The following FILIP1L variants were observed in gnomAD, a reference collection of about 807,000 sequenced individuals.
FILIP1L encodes the protein filamin A interacting protein 1 like.
Under a neutral mutation model 96.6 loss-of-function variants are expected in FILIP1L, and 55 were observed. That is an observed-to-expected ratio of 0.57 (90% CI 0.46 to 0.71). The LOEUF is 0.71. Among genes scored for constraint, FILIP1L ranks in the 30% least tolerant of loss-of-function variants. The pLI is 0.00. For missense variants in FILIP1L, 1,304 were observed against 1,321.2 expected, an observed-to-expected ratio of 0.99 and a Z score of 0.20; for synonymous variants, 467 against 473.9, an observed-to-expected ratio of 0.99 and a Z score of 0.19.
intron 1 of FILIP1L, among the ~76,000 whole-genome samples, chr3:100,074,905 G>T (rs1325039586): frequency 2.0e-5 from 3 of 151,646 alleles, no homozygotes; most frequent in Non-Finnish European, 2.9e-5. Context: ...TGTTGGCCAG[G>T]CTGGTCTCGA....
chr3:100,005,700 A>G (rs965065278), intron 1 of FILIP1L, among the ~76,000 whole-genome samples: 5 of 152,250 alleles, frequency 3.3e-5, no homozygotes, highest in Non-Finnish European at 7.3e-5. Flanking sequence ...ATCTAAATAC[A>G]AGGCACACAG....
intron 1 of FILIP1L, among the ~76,000 whole-genome samples, chr3:100,003,412 A>T (rs146618278): frequency 6.6e-6 from 1 of 152,170 alleles, no homozygotes; most frequent in Non-Finnish European, 1.5e-5. Context: ...AGTTTAACCA[A>T]TGCACCTAGA....
At chr3:99,864,907 T>C (rs1944436883) in intron 4 of FILIP1L, among the ~76,000 whole-genome samples, 1 of 152,204 alleles carries the variant, frequency 6.6e-6, no homozygotes, top group African/African-American at 2.4e-5. Context: ...GGTGTGTGTG[T>C]ATGTGCGCAC....
At chr3:100,075,886 G>T (rs34922392) in intron 1 of FILIP1L, among the ~76,000 whole-genome samples, 32,083 of 152,010 alleles carry the variant, frequency 0.21, 3,516 homozygotes, top group South Asian at 0.26. Context: ...TAATCCTTCT[G>T]GGGTATTAGG....
At position 99,850,156 on chromosome 3, in the gene FILIP1L, A is replaced by AT; in HGVS notation, c.1519dup (p.Met507AsnfsTer3). On this transcript the variant is annotated frameshift_variant, in exon 5 of 6. Transcript: ENST00000477258. LOFTEE classifies it high-confidence loss of function. ...TTCAGTTTTCTTTAATTTTTCACTCATTGTTTTCCGTTCATCTACAAACAT... is the reference window on the plus strand; with the variant it reads ...TTCAGTTTTCTTTAATTTTTCACTCATTTGTTTTCCGTTCATCTACAAACAT... 1 of 1,611,066 alleles carries AT rather than the reference A, an allele frequency of 6.2e-7. No homozygotes were observed. Among genetic ancestry groups the AT allele is most frequent in the Non-Finnish European group, 8.5e-7 (1 of 1,179,474 alleles).
intron 5 of FILIP1L, among the ~76,000 whole-genome samples, chr3:99,833,441 G>A (rs990926689): frequency 6.6e-6 from 1 of 152,208 alleles, no homozygotes; most frequent in Non-Finnish European, 1.5e-5. Flanking sequence ...GAAAGGTGAA[G>A]TGTTTTCAGT....
At chr3:100,051,177 A>G (rs933058510) in intron 1 of FILIP1L, 2 of 152,120 alleles carry the variant, frequency 1.3e-5, no homozygotes, top group African/African-American at 4.8e-5. Context: ...ATGGATCACA[A>G]TTCTTCTCTG....
At chr3:99,913,288 T>C (rs914009077) in intron 4 of FILIP1L, among the ~76,000 whole-genome samples, 3 of 152,242 alleles carry the variant, frequency 2.0e-5, no homozygotes, top group Admixed American at 1.3e-4. Flanking sequence ...TGACAGACTA[T>C]TTTCCAATGC....
At chr3:100,070,555 A>T (rs750931387) in intron 1 of FILIP1L, among the ~76,000 whole-genome samples, 6 of 152,222 alleles carry the variant, frequency 3.9e-5, no homozygotes, top group Non-Finnish European at 7.3e-5. Context: ...ATGGGGTTGT[A>T]ATAAGATACT....
chr3:100,013,457 T>C (rs751363677), intron 1 of FILIP1L, among the ~76,000 whole-genome samples: 5 of 151,838 alleles, frequency 3.3e-5, no homozygotes, highest in Non-Finnish European at 7.4e-5. Context: ...TTGGCCAGAC[T>C]GGTCTCAAAC....
chr3:99,840,165 A>G (rs950569518), intron 5 of FILIP1L, among the ~76,000 whole-genome samples: 1 of 152,018 alleles, frequency 6.6e-6, no homozygotes, highest in Non-Finnish European at 1.5e-5. Context: ...AGTTGAAAGA[A>G]TAATGGGGAG....
chr3:100,036,001 T>C (rs1416883691), intron 1 of FILIP1L, among the ~76,000 whole-genome samples: 2 of 152,254 alleles, frequency 1.3e-5, no homozygotes, highest in Non-Finnish European at 2.9e-5. Flanking sequence ...GGGATAATAA[T>C]GTTTACTAGT....
chr3:99,912,771 T>G (rs1706833025), intron 4 of FILIP1L, among the ~76,000 whole-genome samples: 1 of 152,230 alleles, frequency 6.6e-6, no homozygotes, highest in Non-Finnish European at 1.5e-5. Flanking sequence ...ACATTTGGGT[T>G]GTTTTCACTT....
chr3:99,912,919 TC>T (rs1272961464), intron 4 of FILIP1L, among the ~76,000 whole-genome samples: 1 of 152,100 alleles, frequency 6.6e-6, no homozygotes, highest in Non-Finnish European at 1.5e-5. Context: ...AATATTTGTG[TC>T]CCCCCAAACT....
intron 1 of FILIP1L, among the ~76,000 whole-genome samples, chr3:100,084,095 A>G (rs2065970788): frequency 6.6e-6 from 1 of 152,180 alleles, no homozygotes. Flanking sequence ...AAGGAGCTCA[A>G]TTTTTAAAAT....
At chr3:99,974,754 G>C (rs550146740) in intron 1 of FILIP1L, among the ~76,000 whole-genome samples, 1 of 152,032 alleles carries the variant, frequency 6.6e-6, no homozygotes, top group East Asian at 1.9e-4. Flanking sequence ...GTTTGGAGTG[G>C]AAAAAACCTG....
At position 99,829,592 on chromosome 3, in the gene FILIP1L, A is replaced by C. The variant is rs1942609191; in HGVS notation, c.*822T>G. ...CAAAGCTCGTTGTCACATGAATGAA[A>C]ATCTAGGATTGGAATTTGAGTCTCC... On this transcript the variant is annotated 3_prime_UTR_variant, in exon 6 of 6. Coordinates refer to ENST00000477258, the MANE Select transcript of FILIP1L (RefSeq NM_001387850.1). Among the ~76,000 whole-genome samples the C allele has an allele frequency of 6.6e-6, 1 of 152,212 alleles. No individual in the cohort carries two copies. The highest frequency in any genetic ancestry group is 2.4e-5 in the African/African-American group (1 of 41,440).
chr3:100,016,988 T>C (rs888432892), intron 1 of FILIP1L, among the ~76,000 whole-genome samples: 3 of 152,214 alleles, frequency 2.0e-5, no homozygotes, highest in Non-Finnish European at 4.4e-5. Context: ...TTTAATTTTG[T>C]TGAACAGTAA....
At chr3:100,105,335 A>G (rs967147246) in intron 1 of FILIP1L, among the ~76,000 whole-genome samples, 7 of 152,166 alleles carry the variant, frequency 4.6e-5, no homozygotes, top group Non-Finnish European at 8.8e-5. Flanking sequence ...GAGCAATAGG[A>G]ATTTGGACTA....
Sources: allele counts gnomAD v4.1 joint callset (sites outside exome capture counted in the v4.1 genomes callset), GRCh38; gene constraint gnomAD v4.1.1; transcripts MANE v1.5; gene names NCBI Gene and HGNC (gene_info 2026-07-23, HGNC 2026-07-21).